Variants in NBEAL1 observed in about 807,000 individuals in gnomAD.
The protein encoded by NBEAL1 is neurobeachin-like protein 1.
A neutral mutation model predicts 351.3 loss-of-function variants in NBEAL1; 273 were observed. That is an observed-to-expected ratio of 0.78 (90% confidence interval 0.70 to 0.86). The LOEUF (loss-of-function observed/expected upper bound fraction) is 0.86, where lower values mean the gene tolerates loss of function less well. Ranked by LOEUF, NBEAL1 falls within the 40% of genes least tolerant of loss-of-function variation. The pLI is 0.00. For missense variants in NBEAL1, 2,961 were observed against 3,201.3 expected (o/e 0.92, Z 1.81); for synonymous variants, 1,050 against 1,086.4 (o/e 0.97, Z 0.66).
rs941042378 is a variant in NBEAL1, at chr2:203,113,195, A to G, written c.2383A>G (p.Ile795Val). The G allele has an allele frequency of 3.2e-6, 5 of 1,551,036 alleles. No homozygotes were observed. The highest frequency in any genetic ancestry group is 2.4e-5 in the East Asian group (1 of 41,310). The change falls in exon 17 of 56, where the codon ATA becomes GTA. Residue 795 changes from isoleucine (I) to valine (V), a missense_variant. Transcript: ENST00000683969. Reference sequence around the variant, plus strand: ...AAAATCAAAATTGATTACCAAATTGATATCAGCTGGAACCCAAGACAGTGA... The same window carrying G: ...AAAATCAAAATTGATTACCAAATTGGTATCAGCTGGAACCCAAGACAGTGA... ...IEKSKLITKLISAGTQDSEWG... is the reference protein window; with the variant it reads ...IEKSKLITKLVSAGTQDSEWG...
chr2:203,207,103 C>G (rs1466643513), intron 51 of NBEAL1, among the ~76,000 whole-genome samples: 1 of 148,136 alleles, frequency 6.8e-6, no homozygotes, highest in East Asian at 2.0e-4. Context: ...CGTCTCTGCC[C>G]GGCCGCCCCG....
chr2:203,180,099 T>G (rs1003621900), intron 42 of NBEAL1, among the ~76,000 whole-genome samples: 2 of 152,230 alleles, frequency 1.3e-5, no homozygotes, highest in Non-Finnish European at 2.9e-5. Flanking sequence ...AGATTATATT[T>G]AATTTATTTG....
rs374880765 is a variant in NBEAL1, at chr2:203,113,065, T to C, written c.2253T>C (p.Pro751=). 1,570 of 1,545,408 alleles carry C rather than the reference T, an allele frequency of 1.0e-3. 15 individuals carry two copies. The African/African-American group carries it at 0.019, about 19-fold the overall frequency. Residue 751 remains proline (P), a synonymous_variant, in exon 17 of 56, where the codon CCT becomes CCC. Transcript: ENST00000683969. ...IGSAGQRTTT[P]PPSQIPDPPF... ...CAGCTGGGCAAAGAACCACCACTCC[T>C]CCACCATCCCAAATCCCAGATCCAC...
rs1452697006 is a variant in NBEAL1 at position 203,107,777 on chromosome 2, G to T, written c.1538G>T (p.Cys513Phe). 1.3e-6 allele frequency: 2 copies of T among 1,554,420 alleles called. No homozygotes were observed. Among genetic ancestry groups the T allele is most frequent in the East Asian group, 4.8e-5 (2 of 41,756 alleles). ...CCINRQSRTT[C>F]VNANMGIRII... The stretch of plus-strand genomic sequence containing the variant: ...ATTAATAGACAGAGTCGAACTACTT[G>T]TGTCAATGCAAACATGGGGATTAGA... The change falls in exon 14 of 56, where the codon TGT becomes TTT. Residue 513 changes from cysteine to phenylalanine, a missense_variant. Physicochemically the swap from Cys to Phe is radical, Grantham distance 205. Transcript: ENST00000683969.
chr2:203,200,497 A>G (rs934351832), intron 49 of NBEAL1, among the ~76,000 whole-genome samples: 8 of 152,096 alleles, frequency 5.3e-5, no homozygotes, highest in African/African-American at 1.9e-4. Context: ...TGGGCAACAG[A>G]GCAAGACTCC....
intron 10 of NBEAL1, among the ~76,000 whole-genome samples, chr2:203,089,576 A>G (rs1009410085): frequency 6.6e-6 from 1 of 152,206 alleles, no homozygotes; most frequent in African/African-American, 2.4e-5. Context: ...TCAAACAAAT[A>G]CAATAACTAG....
At chr2:203,050,019 A>C (rs1355367294) in intron 4 of NBEAL1, 44 bp downstream of exon 4, 1 of 1,525,700 alleles carries the variant, frequency 6.6e-7, no homozygotes, top group Non-Finnish European at 8.9e-7. Context: ...CATAGGTGGG[A>C]GTTGAACAAT....
At chr2:203,153,564 GTAAGTGGTT>G (rs1440685928) in intron 35 of NBEAL1, among the ~76,000 whole-genome samples, 1 of 152,106 alleles carries the variant, frequency 6.6e-6, no homozygotes, top group Non-Finnish European at 1.5e-5. Context: ...ATCAGATACA[GTAAGTGGTT>G]TTCCTTAATT....
Position 203,213,563 on chromosome 2 carries a change from T to C in NBEAL1, c.7980T>C (p.His2660=), listed in dbSNP as rs2065846120. 1 of 1,614,008 alleles carries C rather than the reference T, an allele frequency of 6.2e-7. No homozygotes were observed. Among genetic ancestry groups the C allele is most frequent in the Admixed American group, 1.7e-5 (1 of 60,012 alleles). The change falls in exon 55 of 56, where the codon CAT becomes CAC. Residue 2660 remains histidine, a synonymous_variant. Coordinates refer to ENST00000683969, the MANE Select transcript of NBEAL1 (RefSeq NM_001378026.1). Reference sequence around the variant, plus strand: ...CATTAGCCATGCGACTGCCTATCCATTGTGTTTGTGTCACCAAAGAATACA... The same window carrying C: ...CATTAGCCATGCGACTGCCTATCCACTGTGTTTGTGTCACCAAAGAATACA... ...INPLAMRLPI[H]CVCVTKEYSH...
At position 203,149,062 on chromosome 2, in the gene NBEAL1, A is replaced by G; in HGVS notation, c.5376A>G (p.Gln1792=). 2 of 1,613,350 alleles carry G rather than the reference A, an allele frequency of 1.2e-6. No homozygotes were observed. Among genetic ancestry groups the G allele is most frequent in the South Asian group, 1.1e-5 (1 of 90,994 alleles). Residue 1792 remains glutamine, a synonymous_variant, in exon 34 of 56, where the codon CAA becomes CAG. Coordinates refer to ENST00000683969, the MANE Select transcript of NBEAL1 (RefSeq NM_001378026.1). ...ENLRYNNMLK[Q]LSSQQLATLR... ...TGAGGTATAATAATATGCTTAAACAACTTAGCAGTCAACAGTTAGCCACTC... is the reference window on the plus strand; with the variant it reads ...TGAGGTATAATAATATGCTTAAACAGCTTAGCAGTCAACAGTTAGCCACTC...
rs1387132496 is a variant in NBEAL1 at position 203,110,716 on chromosome 2, T to TAAATAAATAA, written c.2082+435_2082+436insAATAAATAAA. On this transcript the variant is annotated intron_variant, in intron 15 of 55. Coordinates refer to ENST00000683969, the MANE Select transcript of NBEAL1 (RefSeq NM_001378026.1). Reference sequence around the variant, plus strand: ...AAATAAATAAATAAATAAATAAATATATAGAACGTTAGGATGTCTTAAGGT... The same window carrying TAAATAAATAA: ...AAATAAATAAATAAATAAATAAATATAAATAAATAAATAGAACGTTAGGATGTCTTAAGGT... 2.2e-3 allele frequency among the ~76,000 whole-genome samples: 163 copies of TAAATAAATAA among 73,742 alleles called. 1 individual carries two copies. Among genetic ancestry groups the TAAATAAATAA allele is most frequent in the African/African-American group, 5.1e-3 (122 of 23,876 alleles). 48.4% of individuals were successfully genotyped at this position (73,742 alleles called of 152,430 possible). A position where few individuals can be genotyped will look rare whatever the true frequency, so the allele number is the denominator to read the frequency against.
At chr2:203,027,676 G>T (rs963542585) in intron 2 of NBEAL1, among the ~76,000 whole-genome samples, 1 of 152,116 alleles carries the variant, frequency 6.6e-6, no homozygotes, top group Non-Finnish European at 1.5e-5. Flanking sequence ...TCTAGTGAAT[G>T]AACTTTATTT....
chr2:203,035,998 A>G (rs2061034788), intron 2 of NBEAL1, among the ~76,000 whole-genome samples: 1 of 149,452 alleles, frequency 6.7e-6, no homozygotes, highest in African/African-American at 2.4e-5. Flanking sequence ...TTATAGAGGA[A>G]GAAAGTCATG....
At position 203,140,715 on chromosome 2, in the gene NBEAL1, T is replaced by C. The variant is rs373304752; in HGVS notation, c.4848+1967T>C. Among the ~76,000 whole-genome samples the C allele has an allele frequency of 3.1e-4, 47 of 152,330 alleles. 1 individual carries two copies. In the South Asian group the frequency reaches 9.5e-3, roughly 31 times the overall value. Reference sequence around the variant, plus strand: ...TATACTCTTTGTCTAGTAATTCTACTCTGAAACTAATTCTAAAGTAATATC... The same window carrying C: ...TATACTCTTTGTCTAGTAATTCTACCCTGAAACTAATTCTAAAGTAATATC... On this transcript the variant is annotated intron_variant, in intron 31 of 55. Coordinates refer to ENST00000683969, the MANE Select transcript of NBEAL1 (RefSeq NM_001378026.1).
intron 8 of NBEAL1, among the ~76,000 whole-genome samples, chr2:203,080,136 A>G (rs1480697391): frequency 6.6e-6 from 1 of 152,144 alleles, no homozygotes; most frequent in Non-Finnish European, 1.5e-5. Context: ...CTGGCCGGGC[A>G]TGGTGGCTCA....
At chr2:203,094,153 G>A (rs943847915) in intron 10 of NBEAL1, among the ~76,000 whole-genome samples, 4 of 152,042 alleles carry the variant, frequency 2.6e-5, no homozygotes, top group Non-Finnish European at 4.4e-5. Context: ...TAAGTCCATT[G>A]TAATATATAA....
intron 17 of NBEAL1, among the ~76,000 whole-genome samples, chr2:203,115,498 C>T (rs1332341370): frequency 6.6e-6 from 1 of 152,112 alleles, no homozygotes; most frequent in Non-Finnish European, 1.5e-5. Context: ...TGCAGTGGCG[C>T]AATCTCAGAT....
intron 46 of NBEAL1, among the ~76,000 whole-genome samples, chr2:203,193,130 C>G (rs2065142916): frequency 6.6e-6 from 1 of 151,808 alleles, no homozygotes; most frequent in Non-Finnish European, 1.5e-5. Context: ...CACCACTACG[C>G]CTGACCAATT....
At chr2:203,199,874 T>C (rs1276257263) in intron 49 of NBEAL1, among the ~76,000 whole-genome samples, 4 of 152,224 alleles carry the variant, frequency 2.6e-5, no homozygotes, top group African/African-American at 9.6e-5. Flanking sequence ...TGAATTTATA[T>C]TGGTTTAAAT....
Sources: allele counts gnomAD v4.1 joint callset (sites outside exome capture counted in the v4.1 genomes callset), GRCh38; gene constraint gnomAD v4.1.1; transcripts MANE v1.5; gene names NCBI Gene and HGNC (gene_info 2026-07-23, HGNC 2026-07-21).